DLGAP1: variants seen among roughly 807,000 people sequenced by gnomAD.
DLGAP1 encodes the protein DLG associated protein 1.
In DLGAP1, 11 loss-of-function variants were observed where a neutral mutation model predicts 90.8. The ratio of observed to expected loss-of-function variants is 0.12; its 90% confidence interval spans 0.08 to 0.20. The LOEUF is 0.20. Among genes scored for constraint, DLGAP1 ranks in the 10% least tolerant of loss-of-function variants. The probability of loss-of-function intolerance (pLI) is 1.00; values close to 1 mark genes in which losing one functional copy is unlikely to be tolerated. For synonymous variants in DLGAP1, 558 were observed against 540.7 expected (o/e 1.03, Z -0.44); for missense variants, 1,050 against 1,333.8 (o/e 0.79, Z 3.31).
rs994520631 is a variant in DLGAP1 at position 3,499,707 on chromosome 18, G to A, written c.2725-313C>T. Among the ~76,000 whole-genome samples, 6 of 152,136 alleles carry A rather than the reference G, an allele frequency of 3.9e-5. No individual in the cohort carries two copies. Among genetic ancestry groups the A allele is most frequent in the African/African-American group, 7.2e-5 (3 of 41,428 alleles). ...TGCGGCTCCCAGCACATTGAGTGCGGTTCTCTCTGGAGACTCCAGACTCCT... is the reference window on the plus strand; with the variant it reads ...TGCGGCTCCCAGCACATTGAGTGCGATTCTCTCTGGAGACTCCAGACTCCT... On this transcript the variant is annotated intron_variant, in intron 12 of 12. Coordinates refer to ENST00000315677, the MANE Select transcript of DLGAP1 (RefSeq NM_004746.4). The surrounding 1 kb of genome is among the most constrained non-coding windows in gnomAD (Gnocchi z 6.4).
intron 1 of DLGAP1, among the ~76,000 whole-genome samples, chr18:4,213,415 T>C (rs1481991667): frequency 1.3e-5 from 2 of 152,064 alleles, no homozygotes; most frequent in South Asian, 2.1e-4. Context: ...AGTAGATGCA[T>C]TGGAGTGACA....
chr18:4,367,580 G>A (rs2081805148), intron 1 of DLGAP1, among the ~76,000 whole-genome samples: 1 of 152,116 alleles, frequency 6.6e-6, no homozygotes, highest in Non-Finnish European at 1.5e-5. Flanking sequence ...AAATAGTAAA[G>A]CAGCTTCTTC....
intron 7 of DLGAP1, among the ~76,000 whole-genome samples, chr18:3,629,125 AT>A (rs2058423357): frequency 6.6e-6 from 1 of 152,208 alleles, no homozygotes. Context: ...AACATTTGAT[AT>A]TGTTACACTT....
chr18:3,557,351 C>T (rs2053816391), intron 9 of DLGAP1, among the ~76,000 whole-genome samples: 2 of 152,048 alleles, frequency 1.3e-5, no homozygotes, highest in African/African-American at 2.4e-5. Context: ...GAAACTCCGT[C>T]TCTACTAAAA....
chr18:3,802,333 G>T (rs575524685), intron 5 of DLGAP1, among the ~76,000 whole-genome samples: 1 of 152,166 alleles, frequency 6.6e-6, no homozygotes, highest in Admixed American at 6.5e-5. Flanking sequence ...TATCTGGCTC[G>T]GCTATCAGTG....
intron 1 of DLGAP1, among the ~76,000 whole-genome samples, chr18:4,311,661 T>C (rs968335982): frequency 1.3e-5 from 2 of 152,142 alleles, no homozygotes; most frequent in Non-Finnish European, 2.9e-5. Flanking sequence ...GTACTACTGA[T>C]ACTTAATTCT....
In DLGAP1 at chr18:3,877,900, T is replaced by C. The variant is rs2071043853; in HGVS notation, c.957+1212A>G. 2.0e-5 allele frequency among the ~76,000 whole-genome samples: 3 copies of C among 152,230 alleles called. No homozygotes were observed. The South Asian group carries it at 6.2e-4, about 32-fold the overall frequency. The stretch of plus-strand genomic sequence containing the variant: ...GAAGTACTGACCACATAATTGTGTG[T>C]CGTGTATGAAAACTGTCCATGTGCT... On this transcript the variant is annotated intron_variant, in intron 4 of 12. Coordinates refer to ENST00000315677, the MANE Select transcript of DLGAP1 (RefSeq NM_004746.4).
chr18:4,395,404 G>C (rs998709297), intron 1 of DLGAP1, among the ~76,000 whole-genome samples: 1 of 152,078 alleles, frequency 6.6e-6, no homozygotes, highest in Non-Finnish European at 1.5e-5. Context: ...GTAAAATCAA[G>C]ATTTTTGCCT....
At chr18:4,384,914 T>C (rs2082199556) in intron 1 of DLGAP1, among the ~76,000 whole-genome samples, 1 of 152,168 alleles carries the variant, frequency 6.6e-6, no homozygotes, top group Admixed American at 6.5e-5. Context: ...CATCTTTGCT[T>C]TCAAAGTTTT....
Position 3,952,756 on chromosome 18 carries a change from G to A in DLGAP1, c.-73+52360C>T, listed in dbSNP as rs1322899832. ...TGAAATAAGTGTATGAAAGATGTTA[G>A]AGGGTACTGAACAGTTGTCTTTATT... On this transcript the variant is annotated intron_variant, in intron 3 of 12. Coordinates refer to ENST00000315677, the MANE Select transcript of DLGAP1 (RefSeq NM_004746.4). Among the ~76,000 whole-genome samples, 3 of 152,244 alleles carry A rather than the reference G, an allele frequency of 2.0e-5. No homozygotes were observed. In the East Asian group the frequency reaches 5.8e-4, roughly 29 times the overall value.
At chr18:3,742,612 G>T in intron 5 of DLGAP1, 100 bp from the exon 6 acceptor site, 1 of 1,361,106 alleles carries the variant, frequency 7.3e-7, no homozygotes, top group Non-Finnish European at 1.0e-6. Context: ...CCTAAATACT[G>T]GGACAAATGA....
intron 7 of DLGAP1, among the ~76,000 whole-genome samples, chr18:3,696,962 A>C (rs1367313192): frequency 1.3e-5 from 2 of 152,170 alleles, no homozygotes; most frequent in African/African-American, 4.8e-5. Flanking sequence ...AGTTTCTTCT[A>C]GATTTTCTAG....
At chr18:4,410,375 A>T (rs374371224) in intron 1 of DLGAP1, among the ~76,000 whole-genome samples, 2 of 152,302 alleles carry the variant, frequency 1.3e-5, no homozygotes, top group East Asian at 3.9e-4. Flanking sequence ...CAAAACAATC[A>T]AATAAAGTTA....
At chr18:4,020,714 C>A (rs1023157619) in intron 2 of DLGAP1, among the ~76,000 whole-genome samples, 1 of 152,246 alleles carries the variant, frequency 6.6e-6, no homozygotes, top group East Asian at 1.9e-4. Flanking sequence ...AACTTTGAAA[C>A]AAAGATGATA....
At chr18:3,905,834 C>T (rs1269509521) in intron 3 of DLGAP1, among the ~76,000 whole-genome samples, 1 of 152,222 alleles carries the variant, frequency 6.6e-6, no homozygotes, top group East Asian at 1.9e-4. Context: ...TCATAATCCT[C>T]ACTTAGAGGT....
chr18:3,869,320 G>A lies in DLGAP1; in HGVS notation c.957+9792C>T, dbSNP rs569703898. Among the ~76,000 whole-genome samples, 6 of 152,266 alleles carry A rather than the reference G, an allele frequency of 3.9e-5. No individual in the cohort carries two copies. In the East Asian group the frequency reaches 1.2e-3, roughly 29 times the overall value. ...CTCACAACTGTAATCTCAGCACTTCGGGAGGCCGAGGTGGGAAGATCCCTT... is the reference window on the plus strand; with the variant it reads ...CTCACAACTGTAATCTCAGCACTTCAGGAGGCCGAGGTGGGAAGATCCCTT... On this transcript the variant is annotated intron_variant, in intron 4 of 12. Transcript: ENST00000315677.
chr18:4,157,195 T>C (rs2076771766), intron 1 of DLGAP1, among the ~76,000 whole-genome samples: 1 of 152,090 alleles, frequency 6.6e-6, no homozygotes, highest in Non-Finnish European at 1.5e-5. Flanking sequence ...ACTCAAATAG[T>C]TTCCTTAAGT....
chr18:3,719,420 T>C (rs1420282227), intron 7 of DLGAP1, among the ~76,000 whole-genome samples: 14 of 151,596 alleles, frequency 9.2e-5, no homozygotes, highest in Admixed American at 7.9e-4. Context: ...TAGCCGGGTG[T>C]GGTGGCGGGC....
Position 4,380,239 on chromosome 18 carries a change from C to T in DLGAP1, c.-267+74767G>A, listed in dbSNP as rs7235012. Among the ~76,000 whole-genome samples the T allele has an allele frequency of 6.1e-3, 921 of 152,170 alleles. 14 individuals are homozygous for T. The highest frequency in any genetic ancestry group is 0.021 in the African/African-American group (882 of 41,530). ...AAATATCACTTACTGGAAAATAAAA[C>T]GAATATCATTACATTTTGAAAATTA... On this transcript the variant is annotated intron_variant, in intron 1 of 12. Transcript: ENST00000315677.
Sources: allele counts gnomAD v4.1 joint callset (sites outside exome capture counted in the v4.1 genomes callset), GRCh38; gene constraint gnomAD v4.1.1; non-coding constraint Gnocchi (gnomAD v3.1); transcripts MANE v1.5; gene names NCBI Gene and HGNC (gene_info 2026-07-23, HGNC 2026-07-21).